The following CFAP61 variants were observed in gnomAD, a reference collection of about 807,000 sequenced individuals.
CFAP61 encodes cilia- and flagella-associated protein 61.
Under a neutral mutation model 135.6 loss-of-function variants are expected in CFAP61, and 107 were observed. The observed-to-expected ratio is 0.79, with a 90% CI of 0.67 to 0.93. CFAP61 has a LOEUF of 0.93. CFAP61 is among the 40% of genes least tolerant of loss of function. The probability of loss-of-function intolerance (pLI) is 0.00; values close to 1 mark genes in which losing one functional copy is unlikely to be tolerated. For synonymous variants in CFAP61, 575 were observed against 578.5 expected (o/e 0.99, Z 0.09); for missense variants, 1,507 against 1,556.2 (o/e 0.97, Z 0.53).
intron 26 of CFAP61, among the ~76,000 whole-genome samples, chr20:20,354,846 TGA>T (rs11471070): frequency 0.073 from 8,814 of 121,108 alleles, 388 homozygotes; most frequent in East Asian, 0.26. Context: ...AATCACACTG[TGA>T]GGGGATGTGG....
chr20:20,109,692 C>T (rs2048665253), intron 8 of CFAP61, among the ~76,000 whole-genome samples: 1 of 152,154 alleles, frequency 6.6e-6, no homozygotes. Context: ...GATTATATCT[C>T]TTTCTTCTTA....
intron 6 of CFAP61, chr20:20,085,154 G>A: frequency 1.0e-6 from 1 of 985,444 alleles, no homozygotes; most frequent in Non-Finnish European, 1.2e-6. Context: ...TGTGCGGCCT[G>A]TCAGTGCCAG....
chr20:20,266,991 G>A (rs1363781008), intron 21 of CFAP61, among the ~76,000 whole-genome samples: 1 of 152,174 alleles, frequency 6.6e-6, no homozygotes, highest in Non-Finnish European at 1.5e-5. Context: ...AGGTACCCTA[G>A]AGTAGAAGTC....
At position 20,074,388 on chromosome 20, in the gene CFAP61, T is replaced by A. The variant is rs1221178591; in HGVS notation, c.371+10T>A. Reference sequence around the variant, plus strand: ...GCAAAGAGATTCTTCGGTGAGTGGATATGGCCGTGCAGTGGTGAACATGAA... The same window carrying A: ...GCAAAGAGATTCTTCGGTGAGTGGAAATGGCCGTGCAGTGGTGAACATGAA... On this transcript the variant is annotated intron_variant, in intron 4 of 26. Transcript: ENST00000245957. The A allele has an allele frequency of 9.9e-6, 16 of 1,611,538 alleles. 1 individual carries two copies. Among genetic ancestry groups the A allele is most frequent in the Non-Finnish European group, 1.4e-5 (16 of 1,177,682 alleles).
chr20:20,185,660 T>G (rs1042958033), intron 13 of CFAP61, among the ~76,000 whole-genome samples: 4 of 152,214 alleles, frequency 2.6e-5, no homozygotes, highest in Non-Finnish European at 5.9e-5. Context: ...GTACTTTAGC[T>G]TAAGTTTATC....
intron 8 of CFAP61, among the ~76,000 whole-genome samples, chr20:20,136,579 A>G (rs905740456): frequency 1.3e-5 from 2 of 152,174 alleles, no homozygotes; most frequent in Admixed American, 1.3e-4. Flanking sequence ...GAATTTCTGC[A>G]TTATTTTTAA....
intron 18 of CFAP61, among the ~76,000 whole-genome samples, chr20:20,229,703 AT>A (rs1466673047): frequency 6.6e-6 from 1 of 152,086 alleles, no homozygotes; most frequent in African/African-American, 2.4e-5. Flanking sequence ...AAAAGAATTG[AT>A]TTTTTCACTT....
intron 20 of CFAP61, chr20:20,253,221 CTTCT>C (rs1167831922): frequency 6.8e-6 from 1 of 146,864 alleles, no homozygotes; most frequent in Non-Finnish European, 1.5e-5. Flanking sequence ...TTCTTCCTTC[CTTCT>C]TTCTGTCCTT....
Position 20,232,476 on chromosome 20 carries a change from G to A in CFAP61, c.2060+4100G>A, listed in dbSNP as rs147491845. On this transcript the variant is annotated intron_variant, in intron 18 of 26. Coordinates refer to ENST00000245957, the MANE Select transcript of CFAP61 (RefSeq NM_015585.4). ...TGCATCCTTTCACTCCTGGTGTGGC[G>A]CGTGGACCAGCAGCATTGATATCAC... 1.0e-3 allele frequency among the ~76,000 whole-genome samples: 152 copies of A among 152,088 alleles called. 1 individual carries two copies. The highest frequency in any genetic ancestry group is 3.2e-3 in the African/African-American group (134 of 41,506).
chr20:20,279,425 AAG>A (rs2054016140), intron 22 of CFAP61, among the ~76,000 whole-genome samples: 1 of 152,246 alleles, frequency 6.6e-6, no homozygotes, highest in East Asian at 1.9e-4. Context: ...CCTCACCATA[AAG>A]TAAACTAGAG....
chr20:20,203,143 A>G (rs1263354405), intron 17 of CFAP61, among the ~76,000 whole-genome samples: 2 of 152,170 alleles, frequency 1.3e-5, no homozygotes, highest in East Asian at 1.9e-4. Context: ...CGTCGTTTCT[A>G]TTAATTGACA....
At chr20:20,188,211 G>T (rs2055654055) in intron 14 of CFAP61, among the ~76,000 whole-genome samples, 155 bp downstream of exon 14, 6 of 152,208 alleles carry the variant, frequency 3.9e-5, no homozygotes, top group Admixed American at 3.9e-4. Context: ...AGAGAAAACT[G>T]TGGAGACTGG....
At chr20:20,123,972 T>G (rs1226564626) in intron 8 of CFAP61, among the ~76,000 whole-genome samples, 2 of 20,378 alleles carry the variant, frequency 9.8e-5, no homozygotes, top group East Asian at 3.0e-3. Context: ...TATTCCTAAG[T>G]TTTTTTTTTT....
chr20:20,074,256 C>G, intron 3 of CFAP61, 46 bp from the exon 4 acceptor site: 3 of 1,542,532 alleles, frequency 1.9e-6, no homozygotes, highest in Non-Finnish European at 1.8e-6. Context: ...TGACCTAGCC[C>G]GAATACTGAC....
intron 17 of CFAP61, chr20:20,220,049 T>A (rs916851222): frequency 3.9e-5 from 6 of 152,306 alleles, no homozygotes; most frequent in Non-Finnish European, 7.3e-5. Flanking sequence ...TTGGAAAGTC[T>A]CTAAGGAAGG....
chr20:20,247,846 A>G (rs1039082506), intron 19 of CFAP61, among the ~76,000 whole-genome samples: 2 of 152,138 alleles, frequency 1.3e-5, no homozygotes, highest in Non-Finnish European at 2.9e-5. Flanking sequence ...TACCTTTTCT[A>G]TGAGGTCTAT....
intron 8 of CFAP61, among the ~76,000 whole-genome samples, chr20:20,136,837 AT>A (rs1411666639): frequency 4.6e-5 from 7 of 152,140 alleles, no homozygotes; most frequent in African/African-American, 1.7e-4. Context: ...AGAGTTAGAT[AT>A]TTATTGTAGT....
chr20:20,174,137 T>C (rs369334387), intron 13 of CFAP61, among the ~76,000 whole-genome samples: 10 of 152,256 alleles, frequency 6.6e-5, no homozygotes, highest in African/African-American at 2.2e-4. Context: ...TATACCTGGG[T>C]TCTTTTCTGA....
chr20:20,292,193 A>G (rs766861242), intron 24 of CFAP61, among the ~76,000 whole-genome samples: 1 of 152,222 alleles, frequency 6.6e-6, no homozygotes, highest in Non-Finnish European at 1.5e-5. Context: ...GCTGGGGAGC[A>G]TACATAAAGT....
Sources: gnomAD v4.1 joint callset for allele counts (sites outside exome capture counted in the v4.1 genomes callset) on GRCh38, gnomAD v4.1.1 for gene constraint, MANE v1.5 for transcripts, NCBI Gene and HGNC (gene_info 2026-07-23, HGNC 2026-07-21) for gene names.